The following FUCA1 variants were observed in gnomAD, a reference collection of about 807,000 sequenced individuals.
FUCA1 encodes alpha-L-fucosidase 1.
A neutral mutation model predicts 56.8 loss-of-function variants in FUCA1; 52 were observed. The observed-to-expected ratio is 0.92, with a 90% CI of 0.73 to 1.15. The LOEUF (loss-of-function observed/expected upper bound fraction) is 1.15. Ranked by LOEUF, FUCA1 falls within the 50% of genes most tolerant of loss-of-function variation. The pLI, the probability that FUCA1 is intolerant of heterozygous loss-of-function variation, is 0.00. For missense variants in FUCA1, 568 were observed against 592.6 expected, an observed-to-expected ratio of 0.96 and a Z score of 0.43; for synonymous variants, 230 against 226.6, an observed-to-expected ratio of 1.02 and a Z score of -0.14.
chr1:23,856,525 C>G (rs1639394114), intron 4 of FUCA1, among the ~76,000 whole-genome samples: 3 of 152,134 alleles, frequency 2.0e-5, no homozygotes, highest in African/African-American at 7.2e-5. Context: ...AGAGCAGAAA[C>G]CATTCATTCA....
intron 5 of FUCA1, among the ~76,000 whole-genome samples, chr1:23,853,277 C>G (rs1312529141): frequency 6.6e-6 from 1 of 151,264 alleles, no homozygotes; most frequent in African/African-American, 2.4e-5. Context: ...CCTCTCCGCC[C>G]GGCAGCCACC....
Position 23,864,999 on chromosome 1 carries a change from G to A in FUCA1, c.524+492C>T, listed in dbSNP as rs1342709122. The stretch of plus-strand genomic sequence containing the variant: ...ATTACAAGTGTGAGTCAACGCACCC[G>A]ACCAGTGAACTCTTAAAGATCCAGA... On this transcript the variant is annotated intron_variant, in intron 2 of 7. Coordinates refer to ENST00000374479, the MANE Select transcript of FUCA1 (RefSeq NM_000147.5). 5.9e-5 allele frequency among the ~76,000 whole-genome samples: 9 copies of A among 152,250 alleles called. No homozygotes were observed. The South Asian group carries it at 1.0e-3, about 18-fold the overall frequency.
intron 2 of FUCA1, 26 bp from the exon 3 acceptor site, chr1:23,863,297 C>T: frequency 6.2e-7 from 1 of 1,608,942 alleles, no homozygotes; most frequent in Non-Finnish European, 8.5e-7. Flanking sequence ...AGAACAGCAA[C>T]TGTCATTAAG....
In FUCA1 at chr1:23,853,088, C is replaced by T. The variant is rs1271334939; in HGVS notation, c.969+1272G>A. On this transcript the variant is annotated intron_variant, in intron 5 of 7. Coordinates refer to ENST00000374479, the MANE Select transcript of FUCA1 (RefSeq NM_000147.5). ...GAAGTGAGGAGCGTCTCTGCCCGGC[C>T]GCCCATCGTCTGAGATGTGGGGAGC... 9.7e-5 allele frequency among the ~76,000 whole-genome samples: 14 copies of T among 143,920 alleles called. No individual in the cohort carries two copies. In the East Asian group the frequency reaches 1.5e-3, roughly 15 times the overall value. 94.4% of individuals were successfully genotyped at this position (143,920 alleles called of 152,430 possible).
At chr1:23,847,446 C>G (rs946643194) in intron 6 of FUCA1, among the ~76,000 whole-genome samples, 1 of 151,798 alleles carries the variant, frequency 6.6e-6, no homozygotes, top group African/African-American at 2.4e-5. Context: ...TCTCCCAAAT[C>G]TCATGATGGA....
intron 3 of FUCA1, among the ~76,000 whole-genome samples, chr1:23,860,375 AG>A (rs1488478438): frequency 6.6e-6 from 1 of 151,928 alleles, no homozygotes; most frequent in Admixed American, 6.6e-5. Context: ...CGAGGTCAGG[AG>A]ATCGAGACCA....
Position 23,863,274 on chromosome 1 carries a change from T to C in FUCA1, c.525-3A>G, listed in dbSNP as rs766757100. On this transcript the variant is annotated splice_polypyrimidine_tract_variant and splice_region_variant and intron_variant, in intron 2 of 7. Coordinates refer to ENST00000374479, the MANE Select transcript of FUCA1 (RefSeq NM_000147.5). ...GGTATAGTCCATAGCGGATGTTCCT[T>C]AAACAGAAAAACAGAACAGCAACTG... 3.1e-6 allele frequency: 5 copies of C among 1,612,380 alleles called. No individual in the cohort carries two copies. The East Asian group carries it at 1.1e-4, about 36-fold the overall frequency.
chr1:23,855,830 A>G (rs1351439424), intron 4 of FUCA1, among the ~76,000 whole-genome samples: 1 of 152,198 alleles, frequency 6.6e-6, no homozygotes, highest in Non-Finnish European at 1.5e-5. Context: ...CTAATTCTTC[A>G]TTCAACACCT....
intron 2 of FUCA1, among the ~76,000 whole-genome samples, chr1:23,863,813 C>T (rs1300179570): frequency 6.6e-6 from 1 of 152,106 alleles, no homozygotes; most frequent in African/African-American, 2.4e-5. Flanking sequence ...GATTGTGCCA[C>T]TGGAGTCTAG....
intron 5 of FUCA1, among the ~76,000 whole-genome samples, chr1:23,853,252 A>C (rs1462768432): frequency 1.4e-5 from 2 of 142,144 alleles, no homozygotes. Context: ...ACCGCCCCAT[A>C]TGAGAAGTGA....
At chr1:23,866,169 G>A (rs530349457) in intron 1 of FUCA1, among the ~76,000 whole-genome samples, 31 of 152,218 alleles carry the variant, frequency 2.0e-4, no homozygotes, top group African/African-American at 7.2e-4. Context: ...AAAATTAGCC[G>A]GGCATGGTGG....
chr1:23,867,794 C>G lies in FUCA1; in HGVS notation c.389+104G>C. 1 of 1,443,372 alleles carries G rather than the reference C, an allele frequency of 6.9e-7. No homozygotes were observed. The highest frequency in any genetic ancestry group is 9.0e-7 in the Non-Finnish European group (1 of 1,107,656). The allele number at this position is 1,443,372 out of a possible 1,614,324, so 89.4% of individuals were successfully genotyped here. ...GGAGGCCACACGCGGGCCCCGGGGT[C>G]ATGGGGGCGACCGGCAGCTGCGCGC... On this transcript the variant is annotated intron_variant, in intron 1 of 7. Coordinates refer to ENST00000374479, the MANE Select transcript of FUCA1 (RefSeq NM_000147.5). The surrounding 1 kb of genome is among the most constrained non-coding windows in gnomAD (Gnocchi z 4.9).
At chr1:23,852,686 C>T (rs1031150335) in intron 5 of FUCA1, among the ~76,000 whole-genome samples, 16 of 152,210 alleles carry the variant, frequency 1.1e-4, no homozygotes, top group African/African-American at 2.6e-4. Flanking sequence ...CTGTGTTGGC[C>T]GGGCTGGTCT....
chr1:23,851,868 G>A lies in FUCA1; in HGVS notation c.969+2492C>T, dbSNP rs1639266706. Among the ~76,000 whole-genome samples the A allele has an allele frequency of 4.6e-5, 7 of 152,088 alleles. No individual in the cohort carries two copies. In the South Asian group the frequency reaches 1.0e-3, roughly 23 times the overall value. On this transcript the variant is annotated intron_variant, in intron 5 of 7. Transcript: ENST00000374479. ...CACCAGGGCTTGTTGGAATGTGGGGGTGAGGGGAGGGAGAGCATTAGGACA... is the reference window on the plus strand; with the variant it reads ...CACCAGGGCTTGTTGGAATGTGGGGATGAGGGGAGGGAGAGCATTAGGACA...
Position 23,867,825 on chromosome 1 carries a change from C to G in FUCA1, c.389+73G>C. The G allele has an allele frequency of 6.8e-7, 1 of 1,468,740 alleles. No individual in the cohort carries two copies. The highest frequency in any genetic ancestry group is 8.9e-7 in the Non-Finnish European group (1 of 1,117,984). 91.0% of individuals were successfully genotyped at this position (1,468,740 alleles called of 1,614,324 possible). On this transcript the variant is annotated intron_variant, in intron 1 of 7. Transcript: ENST00000374479. The surrounding 1 kb of genome is among the most constrained non-coding windows in gnomAD (Gnocchi z 4.9). ...GGCGACCGGCAGCTGCGCGCCCCAG[C>G]TGGCCGCCCAGCCCCACCTCCTGTT...
At chr1:23,850,292 G>A (rs1379767038) in intron 5 of FUCA1, among the ~76,000 whole-genome samples, 1 of 141,688 alleles carries the variant, frequency 7.1e-6, no homozygotes, top group Non-Finnish European at 1.5e-5. Flanking sequence ...CTCCAGCCTG[G>A]GCAACAAGAG....
In FUCA1 at chr1:23,864,678, G is replaced by A. The variant is rs1304434106; in HGVS notation, c.524+813C>T. 2.0e-5 allele frequency among the ~76,000 whole-genome samples: 3 copies of A among 151,782 alleles called. No homozygotes were observed. In the South Asian group the frequency reaches 6.2e-4, roughly 32 times the overall value. On this transcript the variant is annotated intron_variant, in intron 2 of 7. Transcript: ENST00000374479. Reference sequence around the variant, plus strand: ...GAGAAACAAACTGAGCAGGTGACAGGAGTCAGCAAACTCTTTTTGTCTTTT... The same window carrying A: ...GAGAAACAAACTGAGCAGGTGACAGAAGTCAGCAAACTCTTTTTGTCTTTT...
intron 2 of FUCA1, among the ~76,000 whole-genome samples, chr1:23,864,450 T>C (rs754259937): frequency 1.4e-4 from 22 of 152,172 alleles, no homozygotes; most frequent in Non-Finnish European, 2.9e-4. Flanking sequence ...TCATATTTAA[T>C]AAAGCTTGCT....
intron 2 of FUCA1, among the ~76,000 whole-genome samples, chr1:23,865,285 A>G (rs1639599370): frequency 6.6e-6 from 1 of 152,228 alleles, no homozygotes; most frequent in Non-Finnish European, 1.5e-5. Context: ...ACTGTGAAGC[A>G]TCAAACACTG....
Sources: allele counts gnomAD v4.1 joint callset (sites outside exome capture counted in the v4.1 genomes callset), GRCh38; gene constraint gnomAD v4.1.1; non-coding constraint Gnocchi (gnomAD v3.1); transcripts MANE v1.5; gene names NCBI Gene and HGNC (gene_info 2026-07-23, HGNC 2026-07-21).